Variants in FBXO17 observed in about 807,000 individuals in gnomAD.
The protein encoded by FBXO17 is F-box protein 17, also known as F-box only protein 17.
FBXO17 carries 43 observed loss-of-function variants against 34.1 expected under a neutral mutation model. The observed-to-expected ratio is 1.26, with a 90% CI of 0.99 to 1.62. The LOEUF is 1.62. FBXO17 is among the 40% of genes most tolerant of loss of function. FBXO17 has a pLI of 0.00. For synonymous variants in FBXO17, 169 were observed against 166.0 expected (o/e 1.02, Z -0.14); for missense variants, 424 against 386.7 (o/e 1.10, Z -0.81).
intron 1 of FBXO17, among the ~76,000 whole-genome samples, chr19:38,959,075 T>C (rs1975209727): frequency 6.8e-6 from 1 of 147,582 alleles, no homozygotes; most frequent in African/African-American, 2.5e-5. Flanking sequence ...GCTTCGTTTG[T>C]TTTATATTTT....
intron 1 of FBXO17, among the ~76,000 whole-genome samples, chr19:38,970,084 G>A (rs1975372640): frequency 6.6e-6 from 1 of 151,170 alleles, no homozygotes; most frequent in Non-Finnish European, 1.5e-5. Context: ...AATAAGATAA[G>A]ATGGACTACT....
intron 3 of FBXO17, among the ~76,000 whole-genome samples, chr19:38,948,132 C>G (rs1568438715): frequency 6.6e-6 from 1 of 151,830 alleles, no homozygotes; most frequent in Non-Finnish European, 1.5e-5. Context: ...TCAGCCTCCA[C>G]GTCCAGCTAA....
chr19:38,943,431 G>T (rs1465717754), intron 5 of FBXO17, among the ~76,000 whole-genome samples: 1 of 151,092 alleles, frequency 6.6e-6, no homozygotes, highest in Non-Finnish European at 1.5e-5. Context: ...GCACCACCAT[G>T]CCCGGCTAAT....
At chr19:38,972,236 A>G (rs1446096362) in intron 1 of FBXO17, among the ~76,000 whole-genome samples, 1 of 151,796 alleles carries the variant, frequency 6.6e-6, no homozygotes, top group African/African-American at 2.4e-5. Context: ...AGAATGATAG[A>G]AAAAAACAAA....
intron 1 of FBXO17, among the ~76,000 whole-genome samples, chr19:38,954,890 G>A (rs1303407642): frequency 8.1e-6 from 1 of 124,068 alleles, no homozygotes; most frequent in Non-Finnish European, 1.7e-5. Flanking sequence ...CTGACAATGT[G>A]TTATTTTATT....
intron 1 of FBXO17, among the ~76,000 whole-genome samples, chr19:38,953,620 C>T (rs1233944622): frequency 6.6e-6 from 1 of 152,108 alleles, no homozygotes; most frequent in Non-Finnish European, 1.5e-5. Context: ...GAGATCGCAC[C>T]ACTGCACTCC....
intron 1 of FBXO17, among the ~76,000 whole-genome samples, chr19:38,960,447 C>T (rs1274732316): frequency 2.6e-5 from 4 of 152,054 alleles, no homozygotes; most frequent in Non-Finnish European, 4.4e-5. Context: ...GAACAGCTGG[C>T]GCTCCTTAGA....
At chr19:38,954,573 A>C (rs896820753) in intron 1 of FBXO17, among the ~76,000 whole-genome samples, 5 of 126,532 alleles carry the variant, frequency 4.0e-5, no homozygotes, top group Non-Finnish European at 8.3e-5. Flanking sequence ...CCGGGCCGAG[A>C]ATGTGTTTTT....
Position 38,942,710 on chromosome 19 carries a change from G to A in FBXO17, c.735C>T (p.Tyr245=), listed in dbSNP as rs371144832. The part of the protein sequence containing the change: ...VFTNFGKGIR[Y]VSFEQYGRDV... ...CTCTCCCGTACTGCTCAAAAGATAC[G>A]TAGCGGATGCCCTTGCCAAAGTTGG... The change falls in exon 6 of 6, where the codon TAC becomes TAT. Residue 245 remains tyrosine (Y), a synonymous_variant. Transcript: ENST00000292852. 27 of 1,606,130 alleles carry A rather than the reference G, an allele frequency of 1.7e-5. No homozygotes were observed. The highest frequency in any genetic ancestry group is 1.1e-4 in the East Asian group (5 of 43,982).
rs1213588623 is a variant in FBXO17, at chr19:38,945,020, G to T, written c.642C>A (p.Phe214Leu). ...LDVYEKEVVK[F>L]SASPDPVLQW... ...GAAGGACCGGGTCAGGTGAGGCTGAGAACTTGACCACTTCCTTTTCATACA... is the reference window on the plus strand; with the variant it reads ...GAAGGACCGGGTCAGGTGAGGCTGATAACTTGACCACTTCCTTTTCATACA... Residue 214 changes from phenylalanine (F) to leucine (L), a missense_variant, in exon 5 of 6, where the codon TTC becomes TTA. By Grantham distance (22) the Phe-to-Leu change is conservative. Transcript: ENST00000292852. 6.2e-7 allele frequency: 1 copy of T among 1,614,100 alleles called. No homozygotes were observed. The highest frequency in any genetic ancestry group is 1.3e-5 in the African/African-American group (1 of 74,932).
At chr19:38,967,928 C>G (rs972198084) in intron 1 of FBXO17, among the ~76,000 whole-genome samples, 5 of 152,126 alleles carry the variant, frequency 3.3e-5, no homozygotes, top group Non-Finnish European at 7.3e-5. Context: ...GGCTATTACT[C>G]AAACTGACGA....
intron 1 of FBXO17, among the ~76,000 whole-genome samples, chr19:38,957,357 G>GT (rs1042510923): frequency 6.6e-5 from 10 of 151,344 alleles, no homozygotes; most frequent in Admixed American, 2.6e-4. Context: ...CTTCTTTTTT[G>GT]TTTTTTTGAG....
chr19:38,947,644 C>T (rs906426304), intron 3 of FBXO17, among the ~76,000 whole-genome samples: 1 of 152,118 alleles, frequency 6.6e-6, no homozygotes. Flanking sequence ...TAGGTATACA[C>T]AGAAACTTCA....
At chr19:38,943,046 GGA>G (rs1451106652) in intron 5 of FBXO17, among the ~76,000 whole-genome samples, 2 of 152,162 alleles carry the variant, frequency 1.3e-5, no homozygotes, top group African/African-American at 2.4e-5. Flanking sequence ...ACCTGAAGGA[GGA>G]GAGGGAGCCG....
intron 1 of FBXO17, among the ~76,000 whole-genome samples, chr19:38,957,520 AT>A (rs1975183650): frequency 6.6e-6 from 1 of 152,000 alleles, no homozygotes; most frequent in Non-Finnish European, 1.5e-5. Context: ...TAACTTTTGT[AT>A]TTTTAGTAGA....
intron 1 of FBXO17, among the ~76,000 whole-genome samples, chr19:38,951,116 T>C (rs1975077634): frequency 6.6e-6 from 1 of 152,076 alleles, no homozygotes; most frequent in Admixed American, 6.6e-5. Flanking sequence ...TATAGGGGCA[T>C]TGTGACCCAA....
At chr19:38,942,901 G>A (rs777428229) in intron 5 of FBXO17, 150 bp from the exon 6 acceptor site, 48 of 936,240 alleles carry the variant, frequency 5.1e-5, no homozygotes, top group Admixed American at 1.2e-4. Flanking sequence ...AAAGGACCCC[G>A]CCCTGGTGTC....
Position 38,948,692 on chromosome 19 carries a change from A to C in FBXO17, c.350-14T>G. On this transcript the variant is annotated splice_polypyrimidine_tract_variant and intron_variant, in intron 2 of 5. Coordinates refer to ENST00000292852, the MANE Select transcript of FBXO17 (RefSeq NM_024907.7). ...CTCTGAAGCCCTCTGTGGGAAAACA[A>C]GAGTTGAACATATGGTTCACCTGCC... The C allele has an allele frequency of 6.2e-7, 1 of 1,611,430 alleles. No individual in the cohort carries two copies. The highest frequency in any genetic ancestry group is 1.1e-5 in the South Asian group (1 of 90,866).
At chr19:38,952,161 G>T (rs2144820252) in intron 1 of FBXO17, among the ~76,000 whole-genome samples, 1 of 150,766 alleles carries the variant, frequency 6.6e-6, no homozygotes, top group South Asian at 2.1e-4. Flanking sequence ...TTAGCCGGCT[G>T]GTCTCAAACT....
Sources: gnomAD v4.1 joint callset for allele counts (sites outside exome capture counted in the v4.1 genomes callset) on GRCh38, gnomAD v4.1.1 for gene constraint, MANE v1.5 for transcripts, NCBI Gene and HGNC (gene_info 2026-07-23, HGNC 2026-07-21) for gene names.